ZFHX3: variants seen among roughly 807,000 people sequenced by gnomAD.
The protein encoded by ZFHX3 is zinc finger homeobox protein 3.
A neutral mutation model predicts 279.1 loss-of-function variants in ZFHX3; 42 were observed. The ratio of observed to expected loss-of-function variants is 0.15; its 90% CI spans 0.12 to 0.19. The LOEUF is 0.19. ZFHX3 is among the 10% of genes least tolerant of loss of function. The pLI is 1.00. For synonymous variants in ZFHX3, 2,293 were observed against 1,957.8 expected (o/e 1.17, Z -4.52); for missense variants, 4,981 against 4,754.0 (o/e 1.05, Z -1.40).
chr16:73,426,914 C>T (rs1242783816), intron 3 of ZFHX3, among the ~76,000 whole-genome samples: 3 of 152,158 alleles, frequency 2.0e-5, no homozygotes, highest in African/African-American at 2.4e-5. Flanking sequence ...AAGATGTCAA[C>T]GTGTTGATTA....
At chr16:73,714,083 A>G (rs1055573840) in intron 1 of ZFHX3, among the ~76,000 whole-genome samples, 1 of 152,144 alleles carries the variant, frequency 6.6e-6, no homozygotes, top group South Asian at 2.1e-4. Flanking sequence ...CTTACTGGCT[A>G]CAATTATCCA....
At chr16:73,326,849 T>C (rs1187402697) in intron 3 of ZFHX3, among the ~76,000 whole-genome samples, 2 of 152,216 alleles carry the variant, frequency 1.3e-5, no homozygotes, top group African/African-American at 2.4e-5. Context: ...TATTTAAATA[T>C]TGAAACTCCC....
chr16:73,103,245 C>T (rs947562368), intron 7 of ZFHX3, among the ~76,000 whole-genome samples: 5 of 152,160 alleles, frequency 3.3e-5, no homozygotes, highest in Admixed American at 2.6e-4. Context: ...GAAAAGGTCT[C>T]TACTGGCTCC....
At chr16:73,595,141 C>T (rs1243370086) in intron 2 of ZFHX3, among the ~76,000 whole-genome samples, 1 of 152,166 alleles carries the variant, frequency 6.6e-6, no homozygotes, top group African/African-American at 2.4e-5. Flanking sequence ...CTTTCCCACA[C>T]ATAAATAACT....
Position 73,168,268 on chromosome 16 carries a change from T to TTTCTTTCTTTCTTTC in ZFHX3, c.-1103-24438_-1103-24437insGAAAGAAAGAAAGAA, listed in dbSNP as rs1423778646. Among the ~76,000 whole-genome samples, 3 of 150,416 alleles carry TTTCTTTCTTTCTTTC rather than the reference T, an allele frequency of 2.0e-5. No homozygotes were observed. The East Asian group carries it at 5.9e-4, about 29-fold the overall frequency. ...CTTTCTTTCTTTCTTTCTTTCTTTC[T>TTTCTTTCTTTCTTTC]TTCTTTCTTTCGAGACAAAGTCTCA... is the stretch of plus-strand genomic sequence containing the variant. On this transcript the variant is annotated intron_variant, in intron 5 of 17. Transcript: ENST00000641206.
chr16:72,941,834 G>A (rs1960424960), intron 3 of ZFHX3, among the ~76,000 whole-genome samples: 1 of 152,114 alleles, frequency 6.6e-6, no homozygotes, highest in Admixed American at 6.5e-5. Context: ...TCTGCCATTA[G>A]AAAATTTTAA....
chr16:72,875,675 T>G (rs369517155), intron 4 of ZFHX3, among the ~76,000 whole-genome samples: 2 of 152,304 alleles, frequency 1.3e-5, no homozygotes, highest in East Asian at 3.9e-4. Flanking sequence ...TGGTATAGGG[T>G]TAACTGAACT....
chr16:73,250,977 C>G (rs192990567), intron 5 of ZFHX3, among the ~76,000 whole-genome samples: 169 of 152,300 alleles, frequency 1.1e-3, no homozygotes, highest in Middle Eastern at 3.4e-3. Context: ...CTGGTCTCAT[C>G]TGCAATCTGA....
chr16:72,909,003 A>C (rs2039254340), intron 3 of ZFHX3, among the ~76,000 whole-genome samples: 1 of 152,242 alleles, frequency 6.6e-6, no homozygotes, highest in Non-Finnish European at 1.5e-5. Flanking sequence ...AATGACTAGC[A>C]GTACATTAGC....
At chr16:73,574,373 C>G (rs2051776752) in intron 2 of ZFHX3, among the ~76,000 whole-genome samples, 1 of 152,004 alleles carries the variant, frequency 6.6e-6, no homozygotes. Flanking sequence ...TGAATCAGAG[C>G]CTACTTTTCA....
intron 1 of ZFHX3, among the ~76,000 whole-genome samples, chr16:73,747,979 T>C (rs1370298961): frequency 1.3e-5 from 2 of 152,240 alleles, no homozygotes; most frequent in Non-Finnish European, 2.9e-5. Flanking sequence ...AAATGGAACC[T>C]GTCAAATACC....
chr16:73,046,740 A>T (rs1965316642), intron 1 of ZFHX3, among the ~76,000 whole-genome samples: 1 of 152,182 alleles, frequency 6.6e-6, no homozygotes, highest in South Asian at 2.1e-4. Flanking sequence ...ACTTTCTCAC[A>T]ATCTACCTTC....
At chr16:73,663,306 C>A (rs2052804082) in intron 2 of ZFHX3, among the ~76,000 whole-genome samples, 1 of 152,194 alleles carries the variant, frequency 6.6e-6, no homozygotes, top group South Asian at 2.1e-4. Context: ...GGTCATTTCT[C>A]AAAGCCAAGC....
rs577461662 is a variant in ZFHX3 at position 72,786,397 on chromosome 16, T to G, written c.*767A>C. 4.0e-5 allele frequency: 6 copies of G among 151,812 alleles called. No homozygotes were observed. Among genetic ancestry groups the G allele is most frequent in the Admixed American group, 2.0e-4 (3 of 15,142 alleles). 9.4% of individuals were successfully genotyped at this position (151,812 alleles called of 1,614,324 possible). ...TTAAGCTACAAGTCCTCAACACTCTTTGTGTGTGTGGGTTATTATTTTTTT... is the reference window on the plus strand; with the variant it reads ...TTAAGCTACAAGTCCTCAACACTCTGTGTGTGTGTGGGTTATTATTTTTTT... On this transcript the variant is annotated 3_prime_UTR_variant, in exon 10 of 10. Coordinates refer to ENST00000268489, the MANE Select transcript of ZFHX3 (RefSeq NM_006885.4).
At chr16:72,915,018 A>G (rs1166774194) in intron 3 of ZFHX3, among the ~76,000 whole-genome samples, 1 of 152,192 alleles carries the variant, frequency 6.6e-6, no homozygotes, top group East Asian at 1.9e-4. Flanking sequence ...AACAACAACA[A>G]AAACACATAG....
At chr16:73,200,022 G>A (rs1278077610) in intron 5 of ZFHX3, among the ~76,000 whole-genome samples, 1 of 152,096 alleles carries the variant, frequency 6.6e-6, no homozygotes, top group Non-Finnish European at 1.5e-5. Flanking sequence ...TGCCTTTGTT[G>A]TAATCAAGGT....
At chr16:73,582,609 G>C (rs2051873775) in intron 2 of ZFHX3, among the ~76,000 whole-genome samples, 1 of 151,788 alleles carries the variant, frequency 6.6e-6, no homozygotes, top group Non-Finnish European at 1.5e-5. Flanking sequence ...TGAGTAGCTG[G>C]GATTACAGGT....
intron 2 of ZFHX3, among the ~76,000 whole-genome samples, chr16:73,520,066 C>A (rs2019586480): frequency 6.6e-6 from 1 of 152,112 alleles, no homozygotes; most frequent in Non-Finnish European, 1.5e-5. Context: ...TAAATAGACT[C>A]ATTGTAAACT....
intron 1 of ZFHX3, among the ~76,000 whole-genome samples, chr16:73,030,498 T>A (rs1289407456): frequency 6.6e-6 from 1 of 152,196 alleles, no homozygotes; most frequent in Non-Finnish European, 1.5e-5. Flanking sequence ...AGCCTCTAAG[T>A]AAGACTTTAA....
Sources: allele counts gnomAD v4.1 joint callset (sites outside exome capture counted in the v4.1 genomes callset), GRCh38; gene constraint gnomAD v4.1.1; transcripts MANE v1.5; gene names NCBI Gene and HGNC (gene_info 2026-07-23, HGNC 2026-07-21).